Variants in PAX2 observed in about 807,000 individuals in gnomAD.
The protein encoded by PAX2 is paired box 2.
In PAX2, 9 loss-of-function variants were observed where a neutral mutation model predicts 41.7. That is an observed-to-expected ratio of 0.22 (90% CI 0.13 to 0.38). The LOEUF (loss-of-function observed/expected upper bound fraction) is 0.38, where lower values mean the gene tolerates loss of function less well. PAX2 is among the 10% of genes least tolerant of loss of function. The pLI is 1.00. For missense variants in PAX2, 418 were observed against 531.6 expected, an observed-to-expected ratio of 0.79 and a Z score of 2.10; for synonymous variants, 221 against 212.7, an observed-to-expected ratio of 1.04 and a Z score of -0.34.
At chr10:100,764,637 G>T (rs892585357) in intron 3 of PAX2, among the ~76,000 whole-genome samples, 2 of 152,130 alleles carry the variant, frequency 1.3e-5, no homozygotes, top group African/African-American at 4.8e-5. Flanking sequence ...GAATTAGTCA[G>T]ATAATTGCCC....
intron 7 of PAX2, among the ~76,000 whole-genome samples, chr10:100,820,777 C>T (rs1848356654): frequency 1.3e-5 from 2 of 152,206 alleles, no homozygotes; most frequent in South Asian, 4.1e-4. Context: ...ATGAAATGCC[C>T]ATCTTCTTGT....
intron 1 of PAX2, among the ~76,000 whole-genome samples, chr10:100,736,283 G>A (rs1420138270): frequency 6.6e-6 from 1 of 152,204 alleles, no homozygotes. Flanking sequence ...GCAGGCCCCA[G>A]GGGACCCAGT....
chr10:100,739,562 C>T (rs1337010654), intron 1 of PAX2, among the ~76,000 whole-genome samples: 2 of 152,246 alleles, frequency 1.3e-5, no homozygotes, highest in African/African-American at 4.8e-5. Flanking sequence ...GTCGCGCGCG[C>T]TCACCCGCGG....
chr10:100,757,718 G>A (rs1397626842), intron 3 of PAX2, among the ~76,000 whole-genome samples: 1 of 152,234 alleles, frequency 6.6e-6, no homozygotes, highest in Non-Finnish European at 1.5e-5. Context: ...CCAGGTGTGA[G>A]GGGCATAGGG....
In PAX2 at chr10:100,778,425, A is replaced by G. The variant is rs112477058; in HGVS notation, c.411-1073A>G. The stretch of plus-strand genomic sequence containing the variant: ...GATTAAGTCTCCCCTCCCCACCTTC[A>G]TATCCAGCACTGTGAGCTAGGGGCC... On this transcript the variant is annotated intron_variant, in intron 3 of 9. Transcript: ENST00000355243. 5.6e-3 allele frequency among the ~76,000 whole-genome samples: 854 copies of G among 152,252 alleles called. 6 individuals are homozygous for G. The highest frequency in any genetic ancestry group is 0.02 in the African/African-American group (813 of 41,544).
chr10:100,739,417 C>G (rs1844877031), intron 1 of PAX2, among the ~76,000 whole-genome samples: 1 of 152,220 alleles, frequency 6.6e-6, no homozygotes, highest in African/African-American at 2.4e-5. Context: ...ATCCACACAG[C>G]TGCTGGGAGA....
In PAX2 at chr10:100,824,867, C is replaced by T; in HGVS notation, c.1021+118C>T. 6.3e-7 allele frequency: 1 copy of T among 1,587,046 alleles called. No individual in the cohort carries two copies. The highest frequency in any genetic ancestry group is 8.7e-7 in the Non-Finnish European group (1 of 1,155,364). On this transcript the variant is annotated intron_variant, in intron 8 of 9. Transcript: ENST00000355243. This position sits in a 1 kb window ranked among gnomAD's most constrained non-coding sequence, Gnocchi z 6.6. Reference sequence around the variant, plus strand: ...GGGGAGACACAACGTCCCCTCCCTGCAAACCACTGCTATTCTGTCCCTCTC... The same window carrying T: ...GGGGAGACACAACGTCCCCTCCCTGTAAACCACTGCTATTCTGTCCCTCTC...
chr10:100,749,208 G>A, intron 1 of PAX2: 1 of 988,136 alleles, frequency 1.0e-6, no homozygotes, highest in Non-Finnish European at 1.2e-6. Context: ...AGAGAGCAAA[G>A]GGGGGTGTGT....
Position 100,828,880 on chromosome 10 carries a change from G to T in PAX2, c.*1261G>T, listed in dbSNP as rs921961112. On this transcript the variant is annotated 3_prime_UTR_variant, in exon 10 of 10. Coordinates refer to ENST00000355243, the MANE Select transcript of PAX2 (RefSeq NM_000278.5). This position sits in a 1 kb window ranked among gnomAD's most constrained non-coding sequence, Gnocchi z 6.5. ...GCTTTGTGGAAAGACGGTGTGTGTCGTGTGAAGGCGAAACCCGGTGTACAT... is the reference window on the plus strand; with the variant it reads ...GCTTTGTGGAAAGACGGTGTGTGTCTTGTGAAGGCGAAACCCGGTGTACAT... 3.9e-5 allele frequency: 9 copies of T among 231,106 alleles called. No individual in the cohort carries two copies. Among genetic ancestry groups the T allele is most frequent in the East Asian group, 6.1e-5 (1 of 16,486 alleles). 14.3% of individuals were successfully genotyped at this position (231,106 alleles called of 1,614,324 possible). A position where few individuals can be genotyped will look rare whatever the true frequency, so the allele number is the denominator to read the frequency against.
chr10:100,827,607 T>C lies in PAX2; in HGVS notation c.1173T>C (p.Tyr391=). The change falls in exon 10 of 10, where the codon TAT becomes TAC. Residue 391 remains tyrosine, a synonymous_variant. Transcript: ENST00000355243. This position sits in a 1 kb window ranked among gnomAD's most constrained non-coding sequence, Gnocchi z 8.5. ...GSAPAAAAAA[Y]DRH is the part of the protein sequence containing the mutation. ...CCCCTGCCGCTGCTGCCGCTGCCTA[T>C]GACCGCCACTAGTTACCGCGGGGAC... 1 of 1,613,888 alleles carries C rather than the reference T, an allele frequency of 6.2e-7. No individual in the cohort carries two copies. Among genetic ancestry groups the C allele is most frequent in the Non-Finnish European group, 8.5e-7 (1 of 1,179,882 alleles).
At chr10:100,767,782 C>G (rs1032189231) in intron 3 of PAX2, among the ~76,000 whole-genome samples, 10 of 152,136 alleles carry the variant, frequency 6.6e-5, no homozygotes, top group African/African-American at 2.2e-4. Flanking sequence ...GGTCAAACAA[C>G]TGTTATGGAG....
In PAX2 at chr10:100,755,563, T is replaced by C. The variant is rs531279538; in HGVS notation, c.410+4672T>C. ...TGCACAGGTAACCTACTCAATTGCT[T>C]TTATTATCGCTCAGGCTGCCTCCAT... On this transcript the variant is annotated intron_variant, in intron 3 of 9. Transcript: ENST00000355243. Among the ~76,000 whole-genome samples, 5 of 152,306 alleles carry C rather than the reference T, an allele frequency of 3.3e-5. No individual in the cohort carries two copies. In the South Asian group the frequency reaches 8.3e-4, roughly 25 times the overall value.
chr10:100,739,683 C>T (rs1170124953), intron 1 of PAX2, among the ~76,000 whole-genome samples: 1 of 152,208 alleles, frequency 6.6e-6, no homozygotes, highest in East Asian at 1.9e-4. Flanking sequence ...CGGCCGCCCC[C>T]GGCTGTCGCC....
At chr10:100,810,545 C>T (rs1046965739) in intron 7 of PAX2, among the ~76,000 whole-genome samples, 10 of 152,236 alleles carry the variant, frequency 6.6e-5, no homozygotes, top group African/African-American at 1.9e-4. Flanking sequence ...AGCCATCCTT[C>T]GCCCAGCTGG....
chr10:100,764,458 A>G (rs1244131897), intron 3 of PAX2, among the ~76,000 whole-genome samples: 1 of 152,200 alleles, frequency 6.6e-6, no homozygotes, highest in Non-Finnish European at 1.5e-5. Flanking sequence ...ATTTTTAAAT[A>G]AAAAAGTTTG....
chr10:100,787,805 G>A (rs1846931193), intron 5 of PAX2, among the ~76,000 whole-genome samples: 1 of 152,088 alleles, frequency 6.6e-6, no homozygotes, highest in Non-Finnish European at 1.5e-5. Flanking sequence ...AGAAAGGTGT[G>A]AGGAGCGAGG....
chr10:100,754,603 T>C (rs1354474714), intron 3 of PAX2, among the ~76,000 whole-genome samples: 1 of 152,182 alleles, frequency 6.6e-6, no homozygotes, highest in Non-Finnish European at 1.5e-5. Context: ...CATTCTCAGG[T>C]CTTTGAGTCA....
chr10:100,749,573 C>T, intron 1 of PAX2, 173 bp from the exon 2 acceptor site: 1 of 1,412,370 alleles, frequency 7.1e-7, no homozygotes, highest in South Asian at 1.6e-5. Context: ...GTCTGTGCTT[C>T]CAGTCCCCAC....
At chr10:100,736,716 T>C (rs1844785764) in intron 1 of PAX2, among the ~76,000 whole-genome samples, 1 of 152,036 alleles carries the variant, frequency 6.6e-6, no homozygotes, top group Non-Finnish European at 1.5e-5. Flanking sequence ...TCCTAGGGCC[T>C]TGTCCCCACT....
Sources: allele counts gnomAD v4.1 joint callset (sites outside exome capture counted in the v4.1 genomes callset), GRCh38; gene constraint gnomAD v4.1.1; non-coding constraint Gnocchi (gnomAD v3.1); transcripts MANE v1.5; gene names NCBI Gene and HGNC (gene_info 2026-07-23, HGNC 2026-07-21).